TULP4: variants seen among roughly 807,000 people sequenced by gnomAD.
The protein encoded by TULP4 is TUB like protein 4, also known as tubby-related protein 4.
In TULP4, 16 loss-of-function variants were observed where a neutral mutation model predicts 129.0. The ratio of observed to expected loss-of-function variants is 0.12; its 90% confidence interval spans 0.08 to 0.19. The LOEUF (loss-of-function observed/expected upper bound fraction) is 0.19, where lower values mean the gene tolerates loss of function less well. Among genes scored for constraint, TULP4 ranks in the 10% least tolerant of loss-of-function variants. The pLI, the probability that TULP4 is intolerant of heterozygous loss-of-function variation, is 1.00. For synonymous variants in TULP4, 998 were observed against 854.0 expected (o/e 1.17, Z -2.94); for missense variants, 1,842 against 2,059.1 (o/e 0.89, Z 2.04).
chr6:158,380,928 A>G (rs932801928), intron 1 of TULP4, among the ~76,000 whole-genome samples: 4 of 144,314 alleles, frequency 2.8e-5, no homozygotes, highest in African/African-American at 1.0e-4. Context: ...AGAAGAAGAA[A>G]GAGGTTTCAA....
intron 1 of TULP4, among the ~76,000 whole-genome samples, chr6:158,359,405 C>T (rs575108033): frequency 3.9e-5 from 6 of 152,230 alleles, no homozygotes; most frequent in South Asian, 2.1e-4. Context: ...TTAACTCACA[C>T]GATCACAAGG....
chr6:158,487,652 C>T (rs1780103079), intron 8 of TULP4, among the ~76,000 whole-genome samples: 1 of 152,236 alleles, frequency 6.6e-6, no homozygotes, highest in African/African-American at 2.4e-5. Flanking sequence ...ATGAAGTAGA[C>T]CCAGCCACCA....
intron 2 of TULP4, among the ~76,000 whole-genome samples, chr6:158,429,058 C>G (rs1778569011): frequency 6.6e-6 from 1 of 152,194 alleles, no homozygotes; most frequent in African/African-American, 2.4e-5. Context: ...TGATCGCTCA[C>G]TAAGGCCTCA....
At chr6:158,334,635 G>A (rs551067307) in intron 1 of TULP4, among the ~76,000 whole-genome samples, 8 of 152,048 alleles carry the variant, frequency 5.3e-5, no homozygotes, top group East Asian at 1.9e-4. Context: ...AGTTAAATAC[G>A]GAAGCTCCTA....
chr6:158,454,857 G>A (rs533796535), intron 5 of TULP4, among the ~76,000 whole-genome samples: 1 of 151,814 alleles, frequency 6.6e-6, no homozygotes, highest in South Asian at 2.1e-4. Context: ...CCACCCGCCT[G>A]GGCCTCCCGA....
At chr6:158,267,479 A>G (rs1295831327) in intron 1 of TULP4, among the ~76,000 whole-genome samples, 1 of 152,146 alleles carries the variant, frequency 6.6e-6, no homozygotes, top group African/African-American at 2.4e-5. Context: ...TAGTTGTTAG[A>G]CTGAGGGAGG....
chr6:158,309,549 A>G (rs1779298177), upstream of TULP4, among the ~76,000 whole-genome samples: 1 of 151,618 alleles, frequency 6.6e-6, no homozygotes, highest in South Asian at 2.1e-4. Flanking sequence ...CGGCTGGGAG[A>G]TGGAGGTTGT....
At chr6:158,467,891 G>A (rs1779587760) in intron 6 of TULP4, among the ~76,000 whole-genome samples, 1 of 152,204 alleles carries the variant, frequency 6.6e-6, no homozygotes, top group African/African-American at 2.4e-5. Flanking sequence ...GAATGAATCA[G>A]TGAGCCTTAA....
chr6:158,247,166 C>A (rs1031550146), intron 1 of TULP4, among the ~76,000 whole-genome samples: 1 of 152,034 alleles, frequency 6.6e-6, no homozygotes, highest in Non-Finnish European at 1.5e-5. Context: ...ACCATTATTT[C>A]TACTGTTTCT....
chr6:158,335,159 C>G (rs1264316054), intron 1 of TULP4, among the ~76,000 whole-genome samples: 1 of 151,600 alleles, frequency 6.6e-6, no homozygotes, highest in Non-Finnish European at 1.5e-5. Flanking sequence ...TGCCTGTAAT[C>G]TCAGCTACTT....
intron 1 of TULP4, among the ~76,000 whole-genome samples, chr6:158,303,770 CAGTAATACT>C (rs1313318138): frequency 6.6e-6 from 1 of 152,202 alleles, no homozygotes; most frequent in African/African-American, 2.4e-5. Context: ...TTCACGTCTT[CAGTAATACT>C]AGTAATACCA....
intron 1 of TULP4, among the ~76,000 whole-genome samples, chr6:158,374,308 A>T (rs543162854): frequency 6.8e-6 from 1 of 146,506 alleles, no homozygotes. Flanking sequence ...AAAAAAAAAA[A>T]CAAGAAGTAA....
upstream of TULP4, among the ~76,000 whole-genome samples, chr6:158,309,692 C>T (rs1779302452): frequency 1.3e-5 from 2 of 152,116 alleles, no homozygotes; most frequent in Admixed American, 1.3e-4. Flanking sequence ...AGCTGGAGAC[C>T]AGCCTGGCCA....
intron 1 of TULP4, among the ~76,000 whole-genome samples, chr6:158,291,059 T>A (rs1778930012): frequency 6.6e-6 from 1 of 152,238 alleles, no homozygotes; most frequent in Admixed American, 6.5e-5. Context: ...ACCTAGAAGT[T>A]GATAAGTACT....
chr6:158,299,139 G>A (rs975358253), intron 1 of TULP4, among the ~76,000 whole-genome samples: 19 of 152,030 alleles, frequency 1.2e-4, no homozygotes, highest in African/African-American at 1.7e-4. Context: ...GGCCTCGGTC[G>A]GGGTGGGGGG....
In TULP4 at chr6:158,413,680, C is replaced by G. The variant is rs1419168558; in HGVS notation, c.381+487C>G. Among the ~76,000 whole-genome samples, 1 of 152,166 alleles carries G rather than the reference C, an allele frequency of 6.6e-6. No homozygotes were observed. The highest frequency in any genetic ancestry group is 1.5e-5 in the Non-Finnish European group (1 of 68,040). On this transcript the variant is annotated intron_variant, in intron 2 of 13. Transcript: ENST00000367097. This position sits in a 1 kb window ranked among gnomAD's most constrained non-coding sequence, Gnocchi z 4.9. ...CTCCTGTTGTCATCCTCCAGCTCTT[C>G]CTTTCTGACACAGTTTGTCTCTGCT...
At chr6:158,346,459 C>T (rs908994119) in intron 1 of TULP4, among the ~76,000 whole-genome samples, 3 of 151,878 alleles carry the variant, frequency 2.0e-5, no homozygotes, top group Admixed American at 6.5e-5. Flanking sequence ...CTGAACATAA[C>T]TCTCGTATGC....
chr6:158,274,883 C>T (rs1474414496), intron 1 of TULP4, among the ~76,000 whole-genome samples: 1 of 152,236 alleles, frequency 6.6e-6, no homozygotes, highest in Non-Finnish European at 1.5e-5. Flanking sequence ...AGCAAACCCC[C>T]AACGTCCTGG....
In TULP4 at chr6:158,502,803, C is replaced by T; in HGVS notation, c.3140C>T (p.Ser1047Leu). The change falls in exon 13 of 14, where the codon TCA becomes TTA. Residue 1047 changes from serine to leucine, a missense_variant. Ser to Leu is a moderately radical substitution (Grantham distance 145, BLOSUM62 -2). Coordinates refer to ENST00000367097, the MANE Select transcript of TULP4 (RefSeq NM_020245.5). ...CAGTGCAGTGGCACAGGGCCCAGCT[C>T]ACAGCCCGGAGCCTCCCTGGCCCAT... The part of the protein sequence containing the change: ...CSQCSGTGPS[S>L]QPGASLAHTA... 2 of 1,611,438 alleles carry T rather than the reference C, an allele frequency of 1.2e-6. No homozygotes were observed. The highest frequency in any genetic ancestry group is 1.7e-6 in the Non-Finnish European group (2 of 1,179,766).
Sources: allele counts gnomAD v4.1 joint callset (sites outside exome capture counted in the v4.1 genomes callset), GRCh38; gene constraint gnomAD v4.1.1; non-coding constraint Gnocchi (gnomAD v3.1); transcripts MANE v1.5; gene names NCBI Gene and HGNC (gene_info 2026-07-23, HGNC 2026-07-21).